ADCK1: variants seen among roughly 807,000 people sequenced by gnomAD.
The protein encoded by ADCK1 is aarF domain-containing protein kinase 1.
In ADCK1, 41 loss-of-function variants were observed where a neutral mutation model predicts 52.3. That is an observed-to-expected ratio of 0.78 (90% CI 0.61 to 1.02). ADCK1 has a LOEUF of 1.02. ADCK1 is among the 50% of genes least tolerant of loss of function. The pLI is 0.00. For missense variants in ADCK1, 658 were observed against 679.5 expected (o/e 0.97, Z 0.35); for synonymous variants, 250 against 274.6 (o/e 0.91, Z 0.89).
At chr14:77,927,035 C>T (rs1433938947) in intron 9 of ADCK1, among the ~76,000 whole-genome samples, 3 of 152,152 alleles carry the variant, frequency 2.0e-5, no homozygotes, top group African/African-American at 7.2e-5. Context: ...TCTGCCTGTG[C>T]AGTCAGAAAG....
At chr14:77,812,575 C>T (rs1452812809) in intron 1 of ADCK1, among the ~76,000 whole-genome samples, 3 of 152,060 alleles carry the variant, frequency 2.0e-5, no homozygotes, top group African/African-American at 4.8e-5. Context: ...TACATCTTGG[C>T]TATTGTGCAT....
chr14:77,894,178 C>G (rs1423260301), intron 5 of ADCK1, among the ~76,000 whole-genome samples: 3 of 152,190 alleles, frequency 2.0e-5, no homozygotes, highest in Admixed American at 6.5e-5. Context: ...GGAAACTTCT[C>G]TTCACCCTAT....
At chr14:77,926,542 A>G (rs576072000) in intron 9 of ADCK1, among the ~76,000 whole-genome samples, 1 of 152,140 alleles carries the variant, frequency 6.6e-6, no homozygotes, top group African/African-American at 2.4e-5. Context: ...GTGTAGTGGC[A>G]TGATATCGGC....
chr14:77,906,672 A>T (rs112307399), intron 6 of ADCK1, among the ~76,000 whole-genome samples: 6,604 of 152,236 alleles, frequency 0.043, 201 homozygotes, highest in Non-Finnish European at 0.06. Flanking sequence ...AGATTTTTAA[A>T]TTTTTTTATT....
chr14:77,822,056 T>G (rs2081595034), intron 2 of ADCK1, among the ~76,000 whole-genome samples: 1 of 152,148 alleles, frequency 6.6e-6, no homozygotes, highest in South Asian at 2.1e-4. Flanking sequence ...GGTGCTGTGG[T>G]AAGTGATGGA....
At chr14:77,863,898 G>C (rs991741755) in intron 4 of ADCK1, among the ~76,000 whole-genome samples, 1 of 152,052 alleles carries the variant, frequency 6.6e-6, no homozygotes, top group Non-Finnish European at 1.5e-5. Flanking sequence ...ATCAGATAAG[G>C]TTCTGTCCAC....
At chr14:77,873,841 C>G (rs75862687) in intron 4 of ADCK1, among the ~76,000 whole-genome samples, 6,662 of 152,244 alleles carry the variant, frequency 0.044, 294 homozygotes, top group African/African-American at 0.11. Flanking sequence ...TCAATTAAAC[C>G]TGTTTTCTTT....
At chr14:77,930,422 T>G (rs2084300850) in intron 9 of ADCK1, among the ~76,000 whole-genome samples, 1 of 152,198 alleles carries the variant, frequency 6.6e-6, no homozygotes, top group Non-Finnish European at 1.5e-5. Context: ...ACCTTATCTC[T>G]GGTGACCTTC....
intron 3 of ADCK1, among the ~76,000 whole-genome samples, chr14:77,825,888 A>G (rs1566640877): frequency 6.6e-6 from 1 of 152,088 alleles, no homozygotes; most frequent in Non-Finnish European, 1.5e-5. Context: ...AACCGGTGCT[A>G]TGGGCCTTGG....
At chr14:77,810,561 CG>C (rs1280733447) in intron 1 of ADCK1, among the ~76,000 whole-genome samples, 3 of 147,686 alleles carry the variant, frequency 2.0e-5, no homozygotes, top group Non-Finnish European at 3.0e-5. Context: ...GACGGAGTCT[CG>C]CTCTGTCTCC....
At chr14:77,813,536 C>T (rs2081378104) in intron 1 of ADCK1, among the ~76,000 whole-genome samples, 2 of 152,154 alleles carry the variant, frequency 1.3e-5, no homozygotes, top group Admixed American at 6.5e-5. Flanking sequence ...GTCTCAAACT[C>T]CTGACCTTGT....
At chr14:77,827,920 C>G in intron 3 of ADCK1, 1 of 384,800 alleles carries the variant, frequency 2.6e-6, no homozygotes, top group Non-Finnish European at 5.0e-6. Flanking sequence ...CCTCTACCTC[C>G]TGGGTTCAAG....
At chr14:77,888,259 T>G (rs1378608999) in intron 5 of ADCK1, among the ~76,000 whole-genome samples, 1 of 152,038 alleles carries the variant, frequency 6.6e-6, no homozygotes, top group East Asian at 1.9e-4. Context: ...AGAGTGTACT[T>G]GGATAACTTC....
chr14:77,929,670 ATT>A (rs563350912), intron 9 of ADCK1, among the ~76,000 whole-genome samples: 2 of 146,968 alleles, frequency 1.4e-5, no homozygotes, highest in Non-Finnish European at 3.0e-5. Flanking sequence ...AGTGAACAAA[ATT>A]TTTTTTTTTT....
chr14:77,872,392 A>C (rs1447327169), intron 4 of ADCK1, among the ~76,000 whole-genome samples: 1 of 152,176 alleles, frequency 6.6e-6, no homozygotes. Context: ...GGGCGGGGCC[A>C]GCACCTTTCC....
intron 7 of ADCK1, among the ~76,000 whole-genome samples, chr14:77,916,642 G>A (rs1332880482): frequency 6.6e-6 from 1 of 152,118 alleles, no homozygotes; most frequent in Non-Finnish European, 1.5e-5. Flanking sequence ...TCTTATAGAG[G>A]TTTCACCATG....
intron 4 of ADCK1, among the ~76,000 whole-genome samples, chr14:77,884,881 G>T (rs1393773084): frequency 6.6e-6 from 1 of 152,220 alleles, no homozygotes; most frequent in African/African-American, 2.4e-5. Flanking sequence ...CCAGGCCAGG[G>T]CCTCACACCT....
chr14:77,912,099 G>A (rs533580273), intron 7 of ADCK1, among the ~76,000 whole-genome samples: 74 of 152,292 alleles, frequency 4.9e-4, no homozygotes, highest in African/African-American at 1.6e-3. Context: ...GGGATCTGAC[G>A]TCTTTGTCAT....
At position 77,851,407 on chromosome 14, in the gene ADCK1, C is replaced by T. The variant is rs112943921; in HGVS notation, c.220-7669C>T. Reference sequence around the variant, plus strand: ...CTGGGATTACAGCTGTGAGCCACTGCGCCTGGCCATATTTGGGTCTTTTTA... The same window carrying T: ...CTGGGATTACAGCTGTGAGCCACTGTGCCTGGCCATATTTGGGTCTTTTTA... On this transcript the variant is annotated intron_variant, in intron 3 of 10. Transcript: ENST00000238561. Among the ~76,000 whole-genome samples, 63 of 152,190 alleles carry T rather than the reference C, an allele frequency of 4.1e-4. 1 individual carries two copies. Among genetic ancestry groups the T allele is most frequent in the African/African-American group, 1.4e-3 (58 of 41,522 alleles).
Sources: allele counts gnomAD v4.1 joint callset (sites outside exome capture counted in the v4.1 genomes callset), GRCh38; gene constraint gnomAD v4.1.1; transcripts MANE v1.5; gene names NCBI Gene and HGNC (gene_info 2026-07-23, HGNC 2026-07-21).